Variants in GADL1 observed in about 807,000 individuals in gnomAD.
GADL1 encodes GAD like acidic amino acid decarboxylase 1.
Under a neutral mutation model 69.5 loss-of-function variants are expected in GADL1, and 71 were observed. The ratio of observed to expected loss-of-function variants is 1.02; its 90% CI spans 0.84 to 1.25. GADL1 has a LOEUF of 1.25. Among genes scored for constraint, GADL1 ranks in the 50% most tolerant of loss-of-function variants. The probability of loss-of-function intolerance (pLI) is 0.00; values close to 1 mark genes in which losing one functional copy is unlikely to be tolerated. For synonymous variants in GADL1, 254 were observed against 214.4 expected, an observed-to-expected ratio of 1.18 and a Z score of -1.62; for missense variants, 737 against 631.8, an observed-to-expected ratio of 1.17 and a Z score of -1.79.
rs190495188 is a variant in GADL1, at chr3:30,837,026, T to A, written c.903+1971A>T. Among the ~76,000 whole-genome samples, 85 of 152,238 alleles carry A rather than the reference T, an allele frequency of 5.6e-4. 1 individual carries two copies. The highest frequency in any genetic ancestry group is 1.9e-3 in the African/African-American group (78 of 41,552). The stretch of plus-strand genomic sequence containing the variant: ...ATAAAAATTGACATCAAAATATCAA[T>A]TTCAGAGTTAAAATTTTTTTAAGTA... On this transcript the variant is annotated intron_variant, in intron 9 of 14. Transcript: ENST00000282538.
intron 11 of GADL1, among the ~76,000 whole-genome samples, chr3:30,830,725 C>G (rs1282635174): frequency 6.6e-6 from 1 of 151,962 alleles, no homozygotes; most frequent in Non-Finnish European, 1.5e-5. Context: ...CTTTACCAGT[C>G]CAGACTTCTT....
chr3:30,860,405 T>TA (rs974608323), intron 2 of GADL1, among the ~76,000 whole-genome samples: 5 of 151,624 alleles, frequency 3.3e-5, no homozygotes, highest in Non-Finnish European at 7.4e-5. Flanking sequence ...TAAAGGCCAA[T>TA]AAAAAAAACT....
intron 6 of GADL1, among the ~76,000 whole-genome samples, chr3:30,845,373 T>C (rs1341998653): frequency 5.3e-5 from 8 of 152,098 alleles, no homozygotes; most frequent in Admixed American, 5.2e-4. Context: ...TTCTTTTTCT[T>C]GCCAGAAAAA....
chr3:30,844,432 A>G lies in GADL1; in HGVS notation c.686T>C (p.Leu229Pro). Residue 229 changes from leucine (L) to proline (P), a missense_variant, in exon 7 of 15, where the codon CTT (leucine) becomes CCT (proline). Coordinates refer to ENST00000282538, the MANE Select transcript of GADL1 (RefSeq NM_207359.3). ...HYSMKKAASF[L>P]GIGTENVCFV... ...GCAAACATTCTCAGTGCCAATCCCA[A>G]GAAAAGAGGCTGCCTTCTTCATAGA... 6.2e-7 allele frequency: 1 copy of G among 1,613,406 alleles called. No homozygotes were observed. The highest frequency in any genetic ancestry group is 8.5e-7 in the Non-Finnish European group (1 of 1,179,338).
intron 11 of GADL1, among the ~76,000 whole-genome samples, chr3:30,829,877 C>T (rs1476151326): frequency 6.6e-6 from 1 of 151,784 alleles, no homozygotes; most frequent in African/African-American, 2.4e-5. Context: ...TAATTATACA[C>T]ACTATTATGC....
At chr3:30,795,060 T>A (rs1327001609) in intron 12 of GADL1, among the ~76,000 whole-genome samples, 2 of 152,168 alleles carry the variant, frequency 1.3e-5, no homozygotes, top group African/African-American at 2.4e-5. Context: ...CCTCAAATAC[T>A]AAAACAATCA....
chr3:30,797,432 TA>T (rs1697059588), intron 12 of GADL1, among the ~76,000 whole-genome samples: 2 of 152,210 alleles, frequency 1.3e-5, no homozygotes, highest in African/African-American at 2.4e-5. Context: ...AAAACTTAAA[TA>T]GCATGTAGGA....
intron 14 of GADL1, among the ~76,000 whole-genome samples, chr3:30,777,251 TA>T (rs564268499): frequency 8.1e-5 from 12 of 147,964 alleles, no homozygotes; most frequent in East Asian, 3.9e-4. Flanking sequence ...AAATTGCTTT[TA>T]AAAAAAAAAC....
intron 14 of GADL1, among the ~76,000 whole-genome samples, chr3:30,768,501 G>C (rs1305155798): frequency 7.1e-6 from 1 of 140,310 alleles, no homozygotes; most frequent in Admixed American, 7.8e-5. Flanking sequence ...AATTGAGGGG[G>C]AACAAGATAT....
intron 11 of GADL1, among the ~76,000 whole-genome samples, chr3:30,804,258 C>T (rs1697214538): frequency 6.6e-6 from 1 of 152,106 alleles, no homozygotes; most frequent in African/African-American, 2.4e-5. Context: ...GGCCTCACTC[C>T]CTACATATGG....
intron 14 of GADL1, among the ~76,000 whole-genome samples, chr3:30,740,962 A>ATATATTATATATTAATATATATAT (rs1316607476): frequency 2.3e-4 from 31 of 136,504 alleles, no homozygotes; most frequent in African/African-American, 6.5e-4. Context: ...TATATTTATT[A>ATATATTATATATTAATATATATAT]TATATTATAT....
intron 11 of GADL1, among the ~76,000 whole-genome samples, chr3:30,825,062 C>T (rs1417724493): frequency 6.6e-6 from 1 of 151,904 alleles, no homozygotes; most frequent in African/African-American, 2.4e-5. Flanking sequence ...TTATGATTTT[C>T]AATCAGCATC....
chr3:30,893,497 C>A (rs940011797), intron 1 of GADL1, among the ~76,000 whole-genome samples: 2 of 152,108 alleles, frequency 1.3e-5, no homozygotes, highest in African/African-American at 4.8e-5. Context: ...CTAACTGCAG[C>A]TTTATACCCA....
Position 30,861,602 on chromosome 3 carries a change from G to A in GADL1, c.201C>T (p.Val67=). 1 of 1,540,190 alleles carries A rather than the reference G, an allele frequency of 6.5e-7. No individual in the cohort carries two copies. Among genetic ancestry groups the A allele is most frequent in the Non-Finnish European group, 8.8e-7 (1 of 1,142,852 alleles). Residue 67 remains valine (V), a synonymous_variant, in exon 2 of 15, where the codon GTC becomes GTT. Transcript: ENST00000282538. ...MEEVVLKATD[V]NEKVCEWRPP... ...AGGTTTTAATTTTTACCTTCTCATT[G>A]ACATCTGTAGCTTTCAAAACCACCT...
In GADL1 at chr3:30,867,113, A is replaced by T. The variant is rs572827448; in HGVS notation, c.38-5348T>A. On this transcript the variant is annotated intron_variant, in intron 1 of 14. Transcript: ENST00000282538. Reference sequence around the variant, plus strand: ...AATTGGAGCCCATCTGAGGAAAGTGATCTGCTAGCTTCCAAAAAATTCCTG... The same window carrying T: ...AATTGGAGCCCATCTGAGGAAAGTGTTCTGCTAGCTTCCAAAAAATTCCTG... Among the ~76,000 whole-genome samples the T allele has an allele frequency of 3.7e-4, 57 of 152,110 alleles. 1 individual carries two copies. In the East Asian group the frequency reaches 0.011, roughly 29 times the overall value.
At chr3:30,739,423 A>G (rs751969361) in intron 14 of GADL1, among the ~76,000 whole-genome samples, 57 of 152,066 alleles carry the variant, frequency 3.7e-4, no homozygotes, top group Non-Finnish European at 7.5e-4. Flanking sequence ...TCTTGTTTAT[A>G]GGTTTTTTCC....
chr3:30,758,158 C>T (rs1199695334), intron 14 of GADL1, among the ~76,000 whole-genome samples: 2 of 152,200 alleles, frequency 1.3e-5, no homozygotes, highest in African/African-American at 4.8e-5. Flanking sequence ...AACCATCAAA[C>T]ATCATGCCTT....
rs373530020 is a variant in GADL1 at position 30,839,103 on chromosome 3, G to A, written c.797C>T (p.Pro266Leu). 1.4e-5 allele frequency: 22 copies of A among 1,584,282 alleles called. No individual in the cohort carries two copies. The highest frequency in any genetic ancestry group is 9.1e-5 in the East Asian group (4 of 43,770). ...ACCAGAAGTGGCACAGACAAGAAAC[G>A]GTGCTGCCCCCTGTAAGAAGGATCC... is the stretch of plus-strand genomic sequence containing the variant. ...VWQARKEGAA[P>L]FLVCATSGTT... Residue 266 changes from proline to leucine, a missense_variant, in exon 9 of 15, where the codon CCG becomes CTG. Coordinates refer to ENST00000282538, the MANE Select transcript of GADL1 (RefSeq NM_207359.3).
intron 11 of GADL1, among the ~76,000 whole-genome samples, chr3:30,832,906 T>C (rs1276054961): frequency 2.4e-5 from 3 of 126,726 alleles, no homozygotes; most frequent in African/African-American, 4.1e-5. Flanking sequence ...CTGTTCCTAG[T>C]TTCTGATGGA....
Sources: gnomAD v4.1 joint callset for allele counts (sites outside exome capture counted in the v4.1 genomes callset) on GRCh38, gnomAD v4.1.1 for gene constraint, MANE v1.5 for transcripts, NCBI Gene and HGNC (gene_info 2026-07-23, HGNC 2026-07-21) for gene names.